The following MARCHF1 variants were observed in gnomAD, a reference collection of about 807,000 sequenced individuals.
The protein encoded by MARCHF1 is E3 ubiquitin-protein ligase MARCHF1.
Under a neutral mutation model 54.2 loss-of-function variants are expected in MARCHF1, and 40 were observed. That is an observed-to-expected ratio of 0.74 (90% CI 0.57 to 0.96). MARCHF1 has a LOEUF of 0.96. Among genes scored for constraint, MARCHF1 ranks in the 40% least tolerant of loss-of-function variants. MARCHF1 has a pLI of 0.00. For synonymous variants in MARCHF1, 236 were observed against 236.3 expected (o/e 1.00, Z 0.01); for missense variants, 586 against 656.5 (o/e 0.89, Z 1.17).
At chr4:163,702,194 C>T (rs146598922) in intron 4 of MARCHF1, among the ~76,000 whole-genome samples, 8 of 152,268 alleles carry the variant, frequency 5.3e-5, no homozygotes, top group South Asian at 2.1e-4. Context: ...CACAACGATA[C>T]GGTTAGTTAC....
chr4:164,367,240 A>C (rs1456542494), intron 1 of MARCHF1, among the ~76,000 whole-genome samples: 1 of 152,110 alleles, frequency 6.6e-6, no homozygotes, highest in African/African-American at 2.4e-5. Context: ...CTAAATGGTA[A>C]TGGTGATCAT....
rs551700515 is a variant in MARCHF1 at position 163,526,865 on chromosome 4, A to C, written c.*1883T>G. ...CACACACACAAAATTGACATTGTTT[A>C]CCTTTTGTTTATTTCTAGGAATCAA... On this transcript the variant is annotated 3_prime_UTR_variant, in exon 10 of 10. Coordinates refer to ENST00000514618, the MANE Select transcript of MARCHF1 (RefSeq NM_001394959.1). 1.4e-4 allele frequency: 21 copies of C among 151,928 alleles called. No individual in the cohort carries two copies. The highest frequency in any genetic ancestry group is 1.3e-3 in the Admixed American group (20 of 15,214). 9.4% of individuals were successfully genotyped at this position (151,928 alleles called of 1,614,324 possible).
intron 2 of MARCHF1, among the ~76,000 whole-genome samples, chr4:164,008,806 C>A (rs371278265): frequency 6.6e-6 from 1 of 151,670 alleles, no homozygotes; most frequent in Admixed American, 6.6e-5. Context: ...ATATAACATA[C>A]CAAAATATAT....
intron 2 of MARCHF1, among the ~76,000 whole-genome samples, chr4:164,087,517 TTAGAG>T (rs933216643): frequency 3.3e-5 from 5 of 152,122 alleles, no homozygotes; most frequent in African/African-American, 9.7e-5. Flanking sequence ...GGTAAATAGA[TTAGAG>T]TAGACTCTCA....
intron 1 of MARCHF1, among the ~76,000 whole-genome samples, chr4:164,121,006 T>A (rs1756054617): frequency 6.6e-6 from 1 of 151,572 alleles, no homozygotes; most frequent in African/African-American, 2.4e-5. Context: ...AAATTTGAAA[T>A]AAAGGAAATA....
chr4:163,541,119 G>A (rs1009656492), intron 9 of MARCHF1, among the ~76,000 whole-genome samples: 2 of 152,214 alleles, frequency 1.3e-5, no homozygotes, highest in Non-Finnish European at 2.9e-5. Flanking sequence ...TTCTTTTTGG[G>A]TTGTTCTCAT....
At chr4:164,147,148 G>A (rs1729772353) in intron 1 of MARCHF1, among the ~76,000 whole-genome samples, 1 of 152,052 alleles carries the variant, frequency 6.6e-6, no homozygotes, top group Non-Finnish European at 1.5e-5. Context: ...CAGTTAGAAT[G>A]ACAATCATTA....
chr4:163,996,859 C>T (rs1025378929), intron 2 of MARCHF1, among the ~76,000 whole-genome samples: 10 of 152,042 alleles, frequency 6.6e-5, no homozygotes, highest in Non-Finnish European at 5.9e-5. Context: ...CCAGAAGCTG[C>T]GTCCTAAAAG....
chr4:164,082,918 T>C (rs1166611508), intron 2 of MARCHF1, among the ~76,000 whole-genome samples: 3 of 152,206 alleles, frequency 2.0e-5, no homozygotes. Context: ...TAAAAACTCA[T>C]GTTTCCATTA....
At chr4:163,651,729 A>C (rs146341262) in intron 5 of MARCHF1, among the ~76,000 whole-genome samples, 1 of 151,810 alleles carries the variant, frequency 6.6e-6, no homozygotes. Context: ...CTTCACATCT[A>C]AGCCATTATC....
At chr4:164,213,537 G>C (rs1731840415) in intron 1 of MARCHF1, among the ~76,000 whole-genome samples, 2 of 151,820 alleles carry the variant, frequency 1.3e-5, no homozygotes, top group East Asian at 3.9e-4. Flanking sequence ...GCCTGGCCTG[G>C]GCTTTCACTT....
chr4:164,013,530 T>C (rs540573738), intron 2 of MARCHF1, among the ~76,000 whole-genome samples: 51 of 152,122 alleles, frequency 3.4e-4, no homozygotes, highest in African/African-American at 8.9e-4. Context: ...AGTAGCCAAG[T>C]ACAAGAAGAT....
intron 1 of MARCHF1, among the ~76,000 whole-genome samples, chr4:164,356,659 G>T (rs1186363763): frequency 5.3e-4 from 76 of 142,096 alleles, no homozygotes; most frequent in African/African-American, 1.7e-3. Context: ...ATATACCTAA[G>T]GCTAGATGAC....
At chr4:163,788,501 C>T (rs985665985) in intron 4 of MARCHF1, among the ~76,000 whole-genome samples, 1 of 151,986 alleles carries the variant, frequency 6.6e-6, no homozygotes, top group Admixed American at 6.6e-5. Flanking sequence ...CTGATGTAGA[C>T]AGATTTTTAG....
chr4:164,116,512 T>C (rs931184868), intron 1 of MARCHF1, among the ~76,000 whole-genome samples: 1 of 152,134 alleles, frequency 6.6e-6, no homozygotes, highest in Admixed American at 6.6e-5. Context: ...TCAAGGGCCA[T>C]ACAAAAGCAG....
rs369370983 is a variant in MARCHF1, at chr4:163,691,643, C to G, written c.162+9170G>C. On this transcript the variant is annotated intron_variant, in intron 5 of 9. Transcript: ENST00000514618. ...TGTGAACCAGATGCAACAATGAGGGCTCTGTTTCATTCCACTTAACCTTTT... is the reference window on the plus strand; with the variant it reads ...TGTGAACCAGATGCAACAATGAGGGGTCTGTTTCATTCCACTTAACCTTTT... Among the ~76,000 whole-genome samples, 18 of 152,238 alleles carry G rather than the reference C, an allele frequency of 1.2e-4. No homozygotes were observed. The East Asian group carries it at 1.5e-3, about 13-fold the overall frequency.
At chr4:164,304,485 T>C (rs765846669) in intron 1 of MARCHF1, among the ~76,000 whole-genome samples, 1 of 152,224 alleles carries the variant, frequency 6.6e-6, no homozygotes, top group Non-Finnish European at 1.5e-5. Flanking sequence ...AGTCAGAATA[T>C]AGCACTACAG....
chr4:163,761,479 G>C (rs1579264823), intron 4 of MARCHF1, among the ~76,000 whole-genome samples: 1 of 151,564 alleles, frequency 6.6e-6, no homozygotes, highest in South Asian at 2.1e-4. Flanking sequence ...CTTGAGCCTA[G>C]GTGTCGTAGA....
intron 1 of MARCHF1, among the ~76,000 whole-genome samples, chr4:164,155,047 C>T (rs1730041460): frequency 6.6e-6 from 1 of 152,190 alleles, no homozygotes; most frequent in East Asian, 1.9e-4. Flanking sequence ...TTCTCATCCT[C>T]TCTGCCACAC....
Sources: gnomAD v4.1 joint callset for allele counts (sites outside exome capture counted in the v4.1 genomes callset) on GRCh38, gnomAD v4.1.1 for gene constraint, MANE v1.5 for transcripts, NCBI Gene and HGNC (gene_info 2026-07-23, HGNC 2026-07-21) for gene names.